Variants in SLC5A11 observed in about 807,000 individuals in gnomAD.
SLC5A11 encodes sodium/myo-inositol cotransporter 2.
In SLC5A11, 48 loss-of-function variants were observed where a neutral mutation model predicts 69.8. The ratio of observed to expected loss-of-function variants is 0.69; its 90% CI spans 0.55 to 0.87. The LOEUF is 0.87. Ranked by LOEUF, SLC5A11 falls within the 40% of genes least tolerant of loss-of-function variation. The pLI is 0.00. For synonymous variants in SLC5A11, 319 were observed against 342.4 expected, an observed-to-expected ratio of 0.93 and a Z score of 0.75; for missense variants, 784 against 866.1, an observed-to-expected ratio of 0.91 and a Z score of 1.19.
intron 1 of SLC5A11, among the ~76,000 whole-genome samples, chr16:24,856,078 T>C (rs1421619212): frequency 6.6e-6 from 1 of 152,222 alleles, no homozygotes; most frequent in East Asian, 1.9e-4. Context: ...ATGTGTGCAC[T>C]GGAGGTGTTC....
At position 24,887,652 on chromosome 16, in the gene SLC5A11, A is replaced by T. The variant is rs148306956; in HGVS notation, c.665-3217A>T. 2.0e-3 allele frequency among the ~76,000 whole-genome samples: 304 copies of T among 152,316 alleles called. 2 individuals are homozygous for T. The highest frequency in any genetic ancestry group is 6.9e-3 in the African/African-American group (285 of 41,586). On this transcript the variant is annotated intron_variant, in intron 8 of 15. Transcript: ENST00000347898. ...ATATCAGTTATTACAATACAAGTAC[A>T]TGGAATAAAATTCCCTATTGAAAGA...
chr16:24,851,969 T>TTC (rs59768610), intron 1 of SLC5A11, among the ~76,000 whole-genome samples: 21,690 of 140,046 alleles, frequency 0.15, 1,956 homozygotes, highest in East Asian at 0.27. Flanking sequence ...CTTCCCTTGC[T>TTC]TCTCTCTCTC....
chr16:24,909,428 C>A (rs534509972), intron 14 of SLC5A11, among the ~76,000 whole-genome samples: 4 of 151,798 alleles, frequency 2.6e-5, no homozygotes, highest in Admixed American at 6.6e-5. Context: ...TCACTTGAGG[C>A]CAGGAGTTTG....
intron 4 of SLC5A11, among the ~76,000 whole-genome samples, chr16:24,871,473 A>G (rs2047296408): frequency 6.6e-6 from 1 of 151,848 alleles, no homozygotes; most frequent in African/African-American, 2.4e-5. Flanking sequence ...GAATTTCACT[A>G]TGTTGCTCAG....
At chr16:24,910,722 C>T (rs944305964) in intron 15 of SLC5A11, among the ~76,000 whole-genome samples, 1 of 152,102 alleles carries the variant, frequency 6.6e-6, no homozygotes, top group Non-Finnish European at 1.5e-5. Flanking sequence ...TACGGAGACA[C>T]GGTTGGTTCA....
At chr16:24,849,862 C>T (rs1246793156) in intron 1 of SLC5A11, among the ~76,000 whole-genome samples, 2 of 151,712 alleles carry the variant, frequency 1.3e-5, no homozygotes, top group African/African-American at 2.4e-5. Context: ...TACCTGAAGC[C>T]GTGGCTCTTG....
intron 8 of SLC5A11, among the ~76,000 whole-genome samples, chr16:24,890,483 C>CAA (rs1171814653): frequency 4.0e-3 from 308 of 77,494 alleles, no homozygotes; most frequent in Middle Eastern, 7.9e-3. Flanking sequence ...GACTTCATAT[C>CAA]AAAAAAAAAA....
At chr16:24,896,181 C>T (rs902969055) in intron 9 of SLC5A11, among the ~76,000 whole-genome samples, 6 of 151,346 alleles carry the variant, frequency 4.0e-5, no homozygotes, top group Admixed American at 4.0e-4. Flanking sequence ...TAGTGAGAGT[C>T]TGTCTCTACA....
At position 24,906,649 on chromosome 16, in the gene SLC5A11, C is replaced by T. The variant is rs758070115; in HGVS notation, c.1007-8C>T. 6.9e-6 allele frequency: 11 copies of T among 1,596,644 alleles called. No homozygotes were observed. In the South Asian group the frequency reaches 1.3e-4, roughly 18 times the overall value. The stretch of plus-strand genomic sequence containing the variant: ...CTGCTCACCTCTGGGCCTGTGTTTC[C>T]TTCGTAGATCAAGTGGCCTGTGCAG... On this transcript the variant is annotated splice_region_variant and splice_polypyrimidine_tract_variant and intron_variant, in intron 10 of 15. Transcript: ENST00000347898.
At chr16:24,860,961 C>T (rs2059745228) in intron 2 of SLC5A11, among the ~76,000 whole-genome samples, 1 of 152,030 alleles carries the variant, frequency 6.6e-6, no homozygotes. Context: ...CCTGCCTCGG[C>T]CTCCCAAAGT....
chr16:24,854,265 CCT>C (rs1423487338), intron 1 of SLC5A11, among the ~76,000 whole-genome samples: 1 of 152,142 alleles, frequency 6.6e-6, no homozygotes, highest in Non-Finnish European at 1.5e-5. Flanking sequence ...CTTTTCTACT[CCT>C]CATCTTTCCC....
intron 1 of SLC5A11, among the ~76,000 whole-genome samples, chr16:24,848,275 T>G (rs1251986527): frequency 2.0e-5 from 3 of 152,168 alleles, no homozygotes; most frequent in African/African-American, 7.2e-5. Flanking sequence ...ATCTGACTCA[T>G]ACTTAAAGAT....
chr16:24,896,946 T>TC, intron 9 of SLC5A11, among the ~76,000 whole-genome samples: 2 of 85,510 alleles, frequency 2.3e-5, no homozygotes, highest in Non-Finnish European at 5.6e-5. Flanking sequence ...TCCTTCCTTT[T>TC]TTTTTTTTTT....
intron 1 of SLC5A11, among the ~76,000 whole-genome samples, chr16:24,848,599 A>C (rs938886213): frequency 1.3e-5 from 2 of 152,058 alleles, no homozygotes; most frequent in African/African-American, 4.8e-5. Flanking sequence ...AACAGAGTGA[A>C]ACCCTGTCTC....
intron 10 of SLC5A11, among the ~76,000 whole-genome samples, chr16:24,899,094 A>C (rs1027928199): frequency 4.6e-5 from 7 of 152,212 alleles, no homozygotes; most frequent in African/African-American, 1.7e-4. Flanking sequence ...CTGGGATTAC[A>C]GGCATGAGCC....
chr16:24,905,640 G>GCGCGCGCGCACACACA (rs1443035551), intron 10 of SLC5A11, among the ~76,000 whole-genome samples: 1 of 136,698 alleles, frequency 7.3e-6, no homozygotes. Flanking sequence ...GCGCGCGCGC[G>GCGCGCGCGCACACACA]CACACACACA....
intron 5 of SLC5A11, among the ~76,000 whole-genome samples, chr16:24,872,673 C>T (rs2047380892): frequency 6.7e-6 from 1 of 149,338 alleles, no homozygotes; most frequent in African/African-American, 2.5e-5. Flanking sequence ...CCACCACACC[C>T]AGCTAATTTT....
chr16:24,852,968 T>C (rs28489554), intron 1 of SLC5A11, among the ~76,000 whole-genome samples: 2 of 151,554 alleles, frequency 1.3e-5, no homozygotes, highest in South Asian at 4.2e-4. Flanking sequence ...GGCACACAGC[T>C]GGTGCCTAAT....
Position 24,890,798 on chromosome 16 carries a change from C to G in SLC5A11, c.665-71C>G. On this transcript the variant is annotated intron_variant, in intron 8 of 15. Transcript: ENST00000347898. ...GGTCCTACTAGAATTTCACCAGTCT[C>G]CAGCCATCTCCTCATCACTTGCCAT... 3.4e-6 allele frequency: 5 copies of G among 1,450,822 alleles called. No homozygotes were observed. In the South Asian group the frequency reaches 5.7e-5, roughly 17 times the overall value. 89.9% of individuals were successfully genotyped at this position (1,450,822 alleles called of 1,614,324 possible).
Sources: allele counts gnomAD v4.1 joint callset (sites outside exome capture counted in the v4.1 genomes callset), GRCh38; gene constraint gnomAD v4.1.1; transcripts MANE v1.5; gene names NCBI Gene and HGNC (gene_info 2026-07-23, HGNC 2026-07-21).